The following C2CD4A variants were observed in gnomAD, a reference collection of about 807,000 sequenced individuals.
C2CD4A encodes C2 calcium dependent domain containing 4A.
A neutral mutation model predicts 0.4 loss-of-function variants in C2CD4A; 2 were observed. That is an observed-to-expected ratio of 4.45 (90% confidence interval 1.82 to 13.99). The LOEUF is 13.99. C2CD4A is among the 30% of genes most tolerant of loss of function. The pLI, the probability that C2CD4A is intolerant of heterozygous loss-of-function variation, is 0.04. For synonymous variants in C2CD4A, 297 were observed against 280.8 expected (o/e 1.06, Z -0.58); for missense variants, 610 against 574.2 (o/e 1.06, Z -0.64).
At position 62,068,898 on chromosome 15, in the gene C2CD4A, TC is replaced by T; in HGVS notation, c.*177del. 1 of 988,434 alleles carries T rather than the reference TC, an allele frequency of 1.0e-6. No homozygotes were observed. The highest frequency in any genetic ancestry group is 1.4e-6 in the Non-Finnish European group (1 of 720,460). 61.2% of individuals were successfully genotyped at this position (988,434 alleles called of 1,614,324 possible). A position where few individuals can be genotyped will look rare whatever the true frequency, so the allele number is the denominator to read the frequency against. ...AGATATGATATTTTCCATAGATACC[TC>T]CAGAATTTTTTTCAGCAAATGGAAT... On this transcript the variant is annotated 3_prime_UTR_variant, in exon 2 of 2. Coordinates refer to ENST00000355522, the MANE Select transcript of C2CD4A (RefSeq NM_207322.3).
At position 62,067,779 on chromosome 15, in the gene C2CD4A, A is replaced by C; in HGVS notation, c.166A>C (p.Met56Leu). The C allele has an allele frequency of 6.2e-7, 1 of 1,613,060 alleles. No individual in the cohort carries two copies. Among genetic ancestry groups the C allele is most frequent in the Non-Finnish European group, 8.5e-7 (1 of 1,179,910 alleles). ...IPEFCIPPRL[M>L]PRLALAALRN... The stretch of plus-strand genomic sequence containing the variant: ...TGAGTTCTGCATCCCGCCACGGCTC[A>C]TGCCCCGCCTGGCCTTGGCTGCGCT... The change falls in exon 2 of 2, where the codon ATG becomes CTG. Residue 56 changes from methionine to leucine, a missense_variant. Transcript: ENST00000355522.
rs2049058098 is a variant in C2CD4A, at chr15:62,068,115, C to A, written c.502C>A (p.Pro168Thr). The part of the protein sequence containing the change: ...TPAAPGCPRP[P>T]QDALARRPRG... ...CGCGGCCCCCGGCTGTCCCCGCCCG[C>A]CCCAGGACGCGCTCGCCCGGCGGCC... Residue 168 changes from proline to threonine, a missense_variant, in exon 2 of 2, where the codon CCC becomes ACC. Coordinates refer to ENST00000355522, the MANE Select transcript of C2CD4A (RefSeq NM_207322.3). 8.5e-6 allele frequency: 10 copies of A among 1,172,954 alleles called. No individual in the cohort carries two copies. Among genetic ancestry groups the A allele is most frequent in the Non-Finnish European group, 1.0e-5 (10 of 952,572 alleles). The allele number at this position is 1,172,954 out of a possible 1,614,324, so 72.7% of individuals were successfully genotyped here.
chr15:62,068,289 G>A lies in C2CD4A; in HGVS notation c.676G>A (p.Ala226Thr). The change falls in exon 2 of 2, where the codon GCC becomes ACC. Residue 226 changes from alanine (A) to threonine (T), a missense_variant. Transcript: ENST00000355522. ...RRAGSQSPARAPSTSPPSSRV... is the reference protein window; with the variant it reads ...RRAGSQSPARTPSTSPPSSRV... ...CGCGGGCTCCCAGTCCCCGGCCCGG[G>A]CCCCCTCCACGAGCCCGCCGTCGTC... 1 of 1,407,104 alleles carries A rather than the reference G, an allele frequency of 7.1e-7. No individual in the cohort carries two copies. The highest frequency in any genetic ancestry group is 9.2e-7 in the Non-Finnish European group (1 of 1,081,894). 87.2% of individuals were successfully genotyped at this position (1,407,104 alleles called of 1,614,324 possible).
chr15:62,067,727 A>T lies in C2CD4A; in HGVS notation c.114A>T (p.Ala38=). The stretch of plus-strand genomic sequence containing the variant: ...AGTCTCGCACCACCGCCGCGTGCGC[A>T]AATGTGCTCACTCCGGACCGCATCC... ...GAKSRTTAAC[A]NVLTPDRIPE... is the part of the protein sequence containing the mutation. The change falls in exon 2 of 2, where the codon GCA becomes GCT. Residue 38 remains alanine (A), a synonymous_variant. Transcript: ENST00000355522. The T allele has an allele frequency of 6.2e-7, 1 of 1,612,208 alleles. No homozygotes were observed.
Position 62,068,279 on chromosome 15 carries a change from C to T in C2CD4A, c.666C>T (p.Ser222=), listed in dbSNP as rs747158134. ...EDKERRAGSQ[S]PARAPSTSPP... Reference sequence around the variant, plus strand: ...AGGAGCGCCGCGCGGGCTCCCAGTCCCCGGCCCGGGCCCCCTCCACGAGCC... The same window carrying T: ...AGGAGCGCCGCGCGGGCTCCCAGTCTCCGGCCCGGGCCCCCTCCACGAGCC... Residue 222 remains serine (S), a synonymous_variant, in exon 2 of 2, where the codon TCC becomes TCT. Transcript: ENST00000355522. 7.2e-7 allele frequency: 1 copy of T among 1,390,176 alleles called. No individual in the cohort carries two copies. The highest frequency in any genetic ancestry group is 1.5e-5 in the South Asian group (1 of 65,488). The allele number at this position is 1,390,176 out of a possible 1,614,324, so 86.1% of individuals were successfully genotyped here.
rs1200420676 is a variant in C2CD4A at position 62,068,837 on chromosome 15, T to A, written c.*114T>A. The A allele has an allele frequency of 1.6e-6, 2 of 1,288,418 alleles. No individual in the cohort carries two copies. Among genetic ancestry groups the A allele is most frequent in the Non-Finnish European group, 2.0e-6 (2 of 977,526 alleles). 79.8% of individuals were successfully genotyped at this position (1,288,418 alleles called of 1,614,324 possible). ...TATCAGTCCCGTTTCAGTACAACACTGGCAGAGATGATTCTAGATTAACTA... is the reference window on the plus strand; with the variant it reads ...TATCAGTCCCGTTTCAGTACAACACAGGCAGAGATGATTCTAGATTAACTA... On this transcript the variant is annotated 3_prime_UTR_variant, in exon 2 of 2. Coordinates refer to ENST00000355522, the MANE Select transcript of C2CD4A (RefSeq NM_207322.3).
rs2049066926 is a variant in C2CD4A, at chr15:62,069,053, C to A, written c.*330C>A. 2 of 293,070 alleles carry A rather than the reference C, an allele frequency of 6.8e-6. No individual in the cohort carries two copies. The highest frequency in any genetic ancestry group is 4.4e-5 in the African/African-American group (2 of 45,862). The allele number at this position is 293,070 out of a possible 1,614,324, so 18.2% of individuals were successfully genotyped here. On this transcript the variant is annotated 3_prime_UTR_variant, in exon 2 of 2. Coordinates refer to ENST00000355522, the MANE Select transcript of C2CD4A (RefSeq NM_207322.3). ...CTTGGCGATCTGTTTGCTCCAATCA[C>A]CTCATTTTAAAATTGGTGCTTTCCA...
chr15:62,067,663 G>A lies in C2CD4A; in HGVS notation c.50G>A (p.Ser17Asn), dbSNP rs116376137. 3.1e-6 allele frequency: 5 copies of A among 1,606,586 alleles called. No individual in the cohort carries two copies. In the Admixed American group the frequency reaches 8.3e-5, roughly 27 times the overall value. ...TTGGGTCCTGAGTGCCTTCGGCGGAGCGGAGACTGGCTTCTCCCGGGTCGG... is the reference window on the plus strand; with the variant it reads ...TTGGGTCCTGAGTGCCTTCGGCGGAACGGAGACTGGCTTCTCCCGGGTCGG... ...LRLGPECLRR[S>N]GDWLLPGRAR... Residue 17 changes from serine to asparagine, a missense_variant, in exon 2 of 2, where the codon AGC becomes AAC. Ser to Asn is a conservative substitution (Grantham distance 46). Coordinates refer to ENST00000355522, the MANE Select transcript of C2CD4A (RefSeq NM_207322.3).
chr15:62,070,222 T>G lies in C2CD4A; in HGVS notation c.*1499T>G. ...CATCCTAAATGAGGGTTTAAAAAATTGAAAATATTTAAATATACAGGATGG... is the reference window on the plus strand; with the variant it reads ...CATCCTAAATGAGGGTTTAAAAAATGGAAAATATTTAAATATACAGGATGG... On this transcript the variant is annotated 3_prime_UTR_variant, in exon 2 of 2. Coordinates refer to ENST00000355522, the MANE Select transcript of C2CD4A (RefSeq NM_207322.3). The G allele has an allele frequency of 2.4e-6, 1 of 412,916 alleles. No homozygotes were observed. Among genetic ancestry groups the G allele is most frequent in the East Asian group, 3.6e-5 (1 of 28,074 alleles). The allele number at this position is 412,916 out of a possible 1,614,324, so 25.6% of individuals were successfully genotyped here.
Position 62,070,211 on chromosome 15 carries a change from G to T in C2CD4A, c.*1488G>T. On this transcript the variant is annotated 3_prime_UTR_variant, in exon 2 of 2. Coordinates refer to ENST00000355522, the MANE Select transcript of C2CD4A (RefSeq NM_207322.3). ...ATAGGAAAATGCATCCTAAATGAGG[G>T]TTTAAAAAATTGAAAATATTTAAAT... 2.4e-6 allele frequency: 1 copy of T among 412,482 alleles called. No individual in the cohort carries two copies. Among genetic ancestry groups the T allele is most frequent in the East Asian group, 3.6e-5 (1 of 28,032 alleles). 25.6% of individuals were successfully genotyped at this position (412,482 alleles called of 1,614,324 possible). A position where few individuals can be genotyped will look rare whatever the true frequency, so the allele number is the denominator to read the frequency against.
In C2CD4A at chr15:62,069,087, A is replaced by G. The variant is rs1332419790; in HGVS notation, c.*364A>G. On this transcript the variant is annotated 3_prime_UTR_variant, in exon 2 of 2. Transcript: ENST00000355522. ...AAAATTGGTGCTTTCCACAACATGC[A>G]TGGAGACCATCTTGGAGCATTTACT... 4 of 246,758 alleles carry G rather than the reference A, an allele frequency of 1.6e-5. No homozygotes were observed. Among genetic ancestry groups the G allele is most frequent in the Admixed American group, 5.7e-5 (1 of 17,682 alleles). 15.3% of individuals were successfully genotyped at this position (246,758 alleles called of 1,614,324 possible).
chr15:62,068,252 C>T lies in C2CD4A; in HGVS notation c.639C>T (p.Asp213=). Residue 213 remains aspartate (D), a synonymous_variant, in exon 2 of 2, where the codon GAC becomes GAT. Transcript: ENST00000355522. The part of the protein sequence containing the change: ...RVRSVSSGNE[D]KERRAGSQSP... ...GCTCCGTCTCCAGCGGGAACGAGGA[C>T]AAGGAGCGCCGCGCGGGCTCCCAGT... The T allele has an allele frequency of 7.3e-7, 1 of 1,376,392 alleles. No individual in the cohort carries two copies. The highest frequency in any genetic ancestry group is 9.4e-7 in the Non-Finnish European group (1 of 1,065,502). The allele number at this position is 1,376,392 out of a possible 1,614,324, so 85.3% of individuals were successfully genotyped here. A position where few individuals can be genotyped will look rare whatever the true frequency, so the allele number is the denominator to read the frequency against.
Position 62,068,330 on chromosome 15 carries a change from C to A in C2CD4A, c.717C>A (p.Pro239=). The A allele has an allele frequency of 7.1e-7, 1 of 1,415,448 alleles. No individual in the cohort carries two copies. The highest frequency in any genetic ancestry group is 9.2e-7 in the Non-Finnish European group (1 of 1,085,610). The allele number at this position is 1,415,448 out of a possible 1,614,324, so 87.7% of individuals were successfully genotyped here. A position where few individuals can be genotyped will look rare whatever the true frequency, so the allele number is the denominator to read the frequency against. The change falls in exon 2 of 2, where the codon CCC becomes CCA. Residue 239 remains proline (P), a synonymous_variant. Coordinates refer to ENST00000355522, the MANE Select transcript of C2CD4A (RefSeq NM_207322.3). ...TSPPSSRVPF[P]ERLEAEGTVA... is the part of the protein sequence containing the mutation. Reference sequence around the variant, plus strand: ...CGCCGTCGTCCCGGGTCCCGTTTCCCGAGCGCCTGGAGGCCGAGGGCACCG... The same window carrying A: ...CGCCGTCGTCCCGGGTCCCGTTTCCAGAGCGCCTGGAGGCCGAGGGCACCG...
chr15:62,068,199 G>A lies in C2CD4A; in HGVS notation c.586G>A (p.Gly196Arg). ...GCTGCTGAGTCGCGCGCTGCGGGCT[G>A]GGAGGAGTCGCCGCCTGACCCGCGT... Reference protein sequence around the residue: ...DGLLSRALRAGRSRRLTRVRS... With the variant: ...DGLLSRALRARRSRRLTRVRS... Residue 196 changes from glycine (G) to arginine (R), a missense_variant, in exon 2 of 2, where the codon GGG (glycine) becomes AGG (arginine). Transcript: ENST00000355522. 1 of 1,334,544 alleles carries A rather than the reference G, an allele frequency of 7.5e-7. No individual in the cohort carries two copies. 82.7% of individuals were successfully genotyped at this position (1,334,544 alleles called of 1,614,324 possible).
Position 62,070,640 on chromosome 15 carries a change from A to T in C2CD4A, c.*1917A>T, listed in dbSNP as rs1534542. The T allele has an allele frequency of 2.4e-6, 1 of 411,552 alleles. No homozygotes were observed. Among genetic ancestry groups the T allele is most frequent in the African/African-American group, 2.1e-5 (1 of 48,550 alleles). The allele number at this position is 411,552 out of a possible 1,614,324, so 25.5% of individuals were successfully genotyped here. A position where few individuals can be genotyped will look rare whatever the true frequency, so the allele number is the denominator to read the frequency against. ...ATTGTGATGTGTATTTATGATGACC[A>T]TTGAACAAATGTGAAGAATACTGTG... On this transcript the variant is annotated 3_prime_UTR_variant, in exon 2 of 2. Coordinates refer to ENST00000355522, the MANE Select transcript of C2CD4A (RefSeq NM_207322.3).
At position 62,070,488 on chromosome 15, in the gene C2CD4A, T is replaced by C; in HGVS notation, c.*1765T>C. 1 of 413,484 alleles carries C rather than the reference T, an allele frequency of 2.4e-6. No homozygotes were observed. The allele number at this position is 413,484 out of a possible 1,614,324, so 25.6% of individuals were successfully genotyped here. ...CGACCAGTTTCTGCTTTTATTAAAA[T>C]TGTTCACAGTTTTATACATTCATGT... On this transcript the variant is annotated 3_prime_UTR_variant, in exon 2 of 2. Coordinates refer to ENST00000355522, the MANE Select transcript of C2CD4A (RefSeq NM_207322.3).
rs2049055757 is a variant in C2CD4A at position 62,067,892 on chromosome 15, G to A, written c.279G>A (p.Leu93=). Residue 93 remains leucine, a synonymous_variant, in exon 2 of 2, where the codon CTG becomes CTA. Coordinates refer to ENST00000355522, the MANE Select transcript of C2CD4A (RefSeq NM_207322.3). ...WDPRSQAALS[L]PHLPRVRTAY... is the part of the protein sequence containing the mutation. ...CGCGCTCGCAGGCCGCGCTGTCACT[G>A]CCGCACCTGCCCCGTGTGCGCACCG... The A allele has an allele frequency of 1.2e-6, 2 of 1,600,556 alleles. No homozygotes were observed. Among genetic ancestry groups the A allele is most frequent in the Non-Finnish European group, 1.7e-6 (2 of 1,177,610 alleles).
At position 62,068,137 on chromosome 15, in the gene C2CD4A, G is replaced by C; in HGVS notation, c.524G>C (p.Arg175Pro). The C allele has an allele frequency of 8.3e-7, 1 of 1,201,302 alleles. No individual in the cohort carries two copies. The highest frequency in any genetic ancestry group is 1.0e-6 in the Non-Finnish European group (1 of 970,664). The allele number at this position is 1,201,302 out of a possible 1,614,324, so 74.4% of individuals were successfully genotyped here. ...CCGCCCCAGGACGCGCTCGCCCGGC[G>C]GCCCCGCGGCTGCCGCCTCCTGCGC... ...PRPPQDALAR[R>P]PRGCRLLRVP... The change falls in exon 2 of 2, where the codon CGG becomes CCG. Residue 175 changes from arginine (R) to proline (P), a missense_variant. By Grantham distance (103) the Arg-to-Pro change is moderately radical (BLOSUM62 -2). Coordinates refer to ENST00000355522, the MANE Select transcript of C2CD4A (RefSeq NM_207322.3).
Position 62,067,579 on chromosome 15 carries a change from C to G in C2CD4A, c.-29-6C>G. Reference sequence around the variant, plus strand: ...CTGACGATCCTTGTGCCTTTGTGCACTGCAGGTAGACAAGCTCCAGCAGAG... The same window carrying G: ...CTGACGATCCTTGTGCCTTTGTGCAGTGCAGGTAGACAAGCTCCAGCAGAG... On this transcript the variant is annotated splice_polypyrimidine_tract_variant and splice_region_variant and intron_variant, in intron 1 of 1. Coordinates refer to ENST00000355522, the MANE Select transcript of C2CD4A (RefSeq NM_207322.3). 6.4e-7 allele frequency: 1 copy of G among 1,551,716 alleles called. No homozygotes were observed. Among genetic ancestry groups the G allele is most frequent in the Non-Finnish European group, 8.7e-7 (1 of 1,151,432 alleles).
Sources: gnomAD v4.1 joint callset for allele counts on GRCh38, gnomAD v4.1.1 for gene constraint, MANE v1.5 for transcripts, NCBI Gene and HGNC (gene_info 2026-07-23, HGNC 2026-07-21) for gene names.